BPIFB1: variants seen among roughly 807,000 people sequenced by gnomAD.
The protein encoded by BPIFB1 is BPI fold-containing family B member 1.
A neutral mutation model predicts 55.1 loss-of-function variants in BPIFB1; 34 were observed. That is an observed-to-expected ratio of 0.62 (90% confidence interval 0.47 to 0.82). BPIFB1 has a LOEUF of 0.82. BPIFB1 is among the 40% of genes least tolerant of loss of function. The pLI, the probability that BPIFB1 is intolerant of heterozygous loss-of-function variation, is 0.00. For missense variants in BPIFB1, 532 were observed against 593.1 expected (o/e 0.90, Z 1.07); for synonymous variants, 236 against 245.3 (o/e 0.96, Z 0.35).
intron 13 of BPIFB1, among the ~76,000 whole-genome samples, chr20:33,305,316 C>CTTTTTT (rs34490442): frequency 2.8e-5 from 3 of 106,204 alleles, no homozygotes; most frequent in Admixed American, 1.1e-4. Context: ...CTATTTTTGA[C>CTTTTTT]TTTTTTTTTT....
Position 33,301,263 on chromosome 20 carries a change from A to G in BPIFB1, c.778A>G (p.Thr260Ala), listed in dbSNP as rs1980838575. The change falls in exon 9 of 16, where the codon ACC becomes GCC. Residue 260 changes from threonine (T) to alanine (A), a missense_variant. By Grantham distance (58) the Thr-to-Ala change is moderately conservative. Transcript: ENST00000253354. ...GTTGTTGGACTCACAGGGAAAGGTG[A>G]CCAAGTGGTTCAATAACTCTGCAGC... is the stretch of plus-strand genomic sequence containing the variant. Reference protein sequence around the residue: ...AKLLDSQGKVTKWFNNSAASL... With the variant: ...AKLLDSQGKVAKWFNNSAASL... The G allele has an allele frequency of 6.2e-7, 1 of 1,614,172 alleles. No homozygotes were observed. Among genetic ancestry groups the G allele is most frequent in the South Asian group, 1.1e-5 (1 of 91,084 alleles).
At chr20:33,290,836 G>C in intron 4 of BPIFB1, 121 bp from the exon 5 acceptor site, 1 of 1,112,464 alleles carries the variant, frequency 9.0e-7, no homozygotes, top group Non-Finnish European at 1.3e-6. Context: ...GTGAAGATGA[G>C]GAGAAACCAG....
Position 33,309,086 on chromosome 20 carries a change from T to C in BPIFB1, c.1396-622T>C, listed in dbSNP as rs1981148151. On this transcript the variant is annotated intron_variant, in intron 15 of 15. Transcript: ENST00000253354. This position sits in a 1 kb window ranked among gnomAD's most constrained non-coding sequence, Gnocchi z 4.4. ...AGCATGGCCTGGCACACAGTAGGTGTTCAATAAATGCTTGGTGAGCAAATG... is the reference window on the plus strand; with the variant it reads ...AGCATGGCCTGGCACACAGTAGGTGCTCAATAAATGCTTGGTGAGCAAATG... 6.6e-6 allele frequency among the ~76,000 whole-genome samples: 1 copy of C among 152,080 alleles called. No homozygotes were observed. The highest frequency in any genetic ancestry group is 2.4e-5 in the African/African-American group (1 of 41,390).
At chr20:33,303,209 A>C (rs1980913503) in intron 11 of BPIFB1, 135 bp downstream of exon 11, 1 of 1,120,586 alleles carries the variant, frequency 8.9e-7, no homozygotes, top group Admixed American at 2.5e-5. Context: ...GGGAGCTCTG[A>C]ACCAAGAGCC....
rs766451482 is a variant in BPIFB1 at position 33,291,985 on chromosome 20, C to T, written c.594C>T (p.Asn198=). The change falls in exon 6 of 16, where the codon AAC becomes AAT. Residue 198 remains asparagine, a synonymous_variant. Coordinates refer to ENST00000253354, the MANE Select transcript of BPIFB1 (RefSeq NM_033197.3). ...LVPSLPNLVK[N]QLCPVIEASF... is the part of the protein sequence containing the mutation. ...CATCCCTGCCCAATCTAGTGAAAAACCAGGTGAGTGGAATCAGGGCCTCTC... is the reference window on the plus strand; with the variant it reads ...CATCCCTGCCCAATCTAGTGAAAAATCAGGTGAGTGGAATCAGGGCCTCTC... The T allele has an allele frequency of 6.2e-7, 1 of 1,614,114 alleles. No individual in the cohort carries two copies.
intron 10 of BPIFB1, 192 bp downstream of exon 10, chr20:33,302,604 T>G: frequency 1.5e-6 from 1 of 673,606 alleles, no homozygotes; most frequent in Non-Finnish European, 2.6e-6. Context: ...TGGATAGTAT[T>G]TCCATTACAG....
Position 33,302,343 on chromosome 20 carries a change from C to T in BPIFB1, c.928-16C>T, listed in dbSNP as rs754636878. 1.9e-6 allele frequency: 3 copies of T among 1,613,946 alleles called. No homozygotes were observed. Among genetic ancestry groups the T allele is most frequent in the South Asian group, 1.1e-5 (1 of 91,084 alleles). On this transcript the variant is annotated splice_polypyrimidine_tract_variant and intron_variant, in intron 9 of 15. Transcript: ENST00000253354. ...GTGCCCTCCAACTGACCTTCTCTGG[C>T]TCCTCTCACCCTCAGCTTCCTGAGA...
intron 6 of BPIFB1, among the ~76,000 whole-genome samples, chr20:33,292,477 G>A (rs1206705785): frequency 6.6e-6 from 1 of 152,176 alleles, no homozygotes; most frequent in Non-Finnish European, 1.5e-5. Flanking sequence ...AGGAAGCAAT[G>A]CGTTTTAAAT....
chr20:33,306,877 G>A (rs775380944), intron 14 of BPIFB1, 34 bp from the exon 15 acceptor site: 2 of 1,585,276 alleles, frequency 1.3e-6, no homozygotes, highest in Non-Finnish European at 1.7e-6. Context: ...CTCACCCCAG[G>A]CCCATCAGTT....
intron 11 of BPIFB1, 70 bp downstream of exon 11, chr20:33,303,144 T>C (rs1980911090): frequency 3.2e-6 from 5 of 1,572,574 alleles, no homozygotes; most frequent in Admixed American, 1.7e-5. Flanking sequence ...CTGTTCGCCC[T>C]CTTGCTTTGT....
intron 7 of BPIFB1, 140 bp from the exon 8 acceptor site, chr20:33,299,759 A>T: frequency 1.5e-6 from 1 of 675,434 alleles, no homozygotes. Flanking sequence ...TTGCATCATT[A>T]TTATCAACAT....
chr20:33,306,033 TCATC>T lies in BPIFB1; in HGVS notation c.1289_1292del (p.Ile430ThrfsTer12), dbSNP rs1981014798. ...GTTCTGAAAAACATCATCACTGAGA[TCATC>T]CACTCCATCCTGCTGCCGAACCAGA... On this transcript the variant is annotated frameshift_variant, in exon 14 of 16. Coordinates refer to ENST00000253354, the MANE Select transcript of BPIFB1 (RefSeq NM_033197.3). LOFTEE classifies it high-confidence loss of function. 6.2e-7 allele frequency: 1 copy of T among 1,614,018 alleles called. No homozygotes were observed. Among genetic ancestry groups the T allele is most frequent in the African/African-American group, 1.3e-5 (1 of 74,902 alleles).
chr20:33,306,163 C>T (rs1981020116), intron 14 of BPIFB1, 98 bp downstream of exon 14: 3 of 1,272,396 alleles, frequency 2.4e-6, no homozygotes, highest in Admixed American at 1.7e-5. Flanking sequence ...CATTCATCTC[C>T]CAGCCATCCC....
At chr20:33,284,293 A>C (rs1041011991) in intron 1 of BPIFB1, among the ~76,000 whole-genome samples, 2 of 152,234 alleles carry the variant, frequency 1.3e-5, no homozygotes, top group African/African-American at 4.8e-5. Flanking sequence ...TCTGGCTGCC[A>C]AGCCAATAAT....
At chr20:33,307,306 G>A (rs368268255) in intron 15 of BPIFB1, 6 of 287,022 alleles carry the variant, frequency 2.1e-5, no homozygotes, top group Non-Finnish European at 3.3e-5. Flanking sequence ...TGAGGCCACC[G>A]AAATGAACAA....
chr20:33,302,516 G>A, intron 10 of BPIFB1, 104 bp downstream of exon 10: 1 of 1,300,710 alleles, frequency 7.7e-7, no homozygotes, highest in Non-Finnish European at 1.1e-6. Context: ...TTCCAGCACT[G>A]GGACACTCAA....
chr20:33,290,215 G>A (rs960949448), intron 4 of BPIFB1, among the ~76,000 whole-genome samples: 6 of 152,198 alleles, frequency 3.9e-5, no homozygotes, highest in East Asian at 3.9e-4. Context: ...GCAGGCAGCC[G>A]AGGCCAGATC....
chr20:33,284,881 CTCTT>C (rs1236224140), intron 1 of BPIFB1, among the ~76,000 whole-genome samples: 7 of 152,224 alleles, frequency 4.6e-5, no homozygotes, highest in African/African-American at 7.2e-5. Context: ...TTCTCTCTCT[CTCTT>C]TCTCTCTCTC....
intron 6 of BPIFB1, among the ~76,000 whole-genome samples, chr20:33,292,229 A>G (rs535767138): frequency 6.6e-6 from 1 of 152,312 alleles, no homozygotes; most frequent in Admixed American, 6.5e-5. Context: ...GTGCTGATAA[A>G]TTTTTAGCAA....
Sources: gnomAD v4.1 joint callset for allele counts (sites outside exome capture counted in the v4.1 genomes callset) on GRCh38, gnomAD v4.1.1 for gene constraint, Gnocchi (gnomAD v3.1) non-coding constraint, MANE v1.5 for transcripts, NCBI Gene and HGNC (gene_info 2026-07-23, HGNC 2026-07-21) for gene names.